TTLL5: variants seen among roughly 807,000 people sequenced by gnomAD.
TTLL5 encodes the protein tubulin polyglutamylase TTLL5.
Under a neutral mutation model 168.4 loss-of-function variants are expected in TTLL5, and 132 were observed. The observed-to-expected ratio is 0.78, with a 90% CI of 0.68 to 0.91. TTLL5 has a LOEUF of 0.91. Ranked by LOEUF, TTLL5 falls within the 40% of genes least tolerant of loss-of-function variation. The probability of loss-of-function intolerance (pLI) is 0.00; values close to 1 mark genes in which losing one functional copy is unlikely to be tolerated. For missense variants in TTLL5, 1,545 were observed against 1,581.5 expected (o/e 0.98, Z 0.39); for synonymous variants, 546 against 558.6 (o/e 0.98, Z 0.32).
chr14:75,706,316 A>C (rs1886657587), intron 7 of TTLL5, among the ~76,000 whole-genome samples: 1 of 152,230 alleles, frequency 6.6e-6, no homozygotes, highest in African/African-American at 2.4e-5. Context: ...TAAACTTTTC[A>C]GGGATAGGGA....
intron 26 of TTLL5, among the ~76,000 whole-genome samples, chr14:75,784,352 G>A (rs1208181245): frequency 6.6e-6 from 1 of 152,130 alleles, no homozygotes; most frequent in African/African-American, 2.4e-5. Context: ...ATCATAATAG[G>A]TGGTCTTTTG....
At chr14:75,728,656 A>T (rs1888340004) in intron 12 of TTLL5, among the ~76,000 whole-genome samples, 3 of 142,886 alleles carry the variant, frequency 2.1e-5, no homozygotes, top group Admixed American at 1.5e-4. Context: ...CACTTGGCTA[A>T]AGATGTGATT....
chr14:75,782,707 CCTTAGAATTTTCT>C, intron 25 of TTLL5, 134 bp downstream of exon 25: 1 of 809,358 alleles, frequency 1.2e-6, no homozygotes, highest in Non-Finnish European at 1.8e-6. Context: ...TTTCCTTTTC[CCTTAGAATTTTCT>C]CTTATCTATT....
chr14:75,721,952 A>G (rs1029886153), intron 12 of TTLL5, among the ~76,000 whole-genome samples: 18 of 152,210 alleles, frequency 1.2e-4, no homozygotes, highest in African/African-American at 3.6e-4. Flanking sequence ...TTTAAAATAC[A>G]TATCTGATCA....
At chr14:75,850,259 A>G (rs1407916473) in intron 28 of TTLL5, among the ~76,000 whole-genome samples, 1 of 151,618 alleles carries the variant, frequency 6.6e-6, no homozygotes, top group Admixed American at 6.6e-5. Flanking sequence ...ATACAAAATT[A>G]TCCGGGCATG....
In TTLL5 at chr14:75,706,879, G is replaced by C. The variant is rs574035186; in HGVS notation, c.586-139G>C. 4 of 604,472 alleles carry C rather than the reference G, an allele frequency of 6.6e-6. No homozygotes were observed. The South Asian group carries it at 8.2e-5, about 12-fold the overall frequency. 37.4% of individuals were successfully genotyped at this position (604,472 alleles called of 1,614,324 possible). On this transcript the variant is annotated intron_variant, in intron 7 of 31. Transcript: ENST00000298832. Reference sequence around the variant, plus strand: ...TATTATATGGCCAACTGAATATATGGGTACCTTGGAGGAAACTTTAACCAG... The same window carrying C: ...TATTATATGGCCAACTGAATATATGCGTACCTTGGAGGAAACTTTAACCAG...
At chr14:75,888,843 G>T (rs2032249508) in intron 30 of TTLL5, among the ~76,000 whole-genome samples, 1 of 151,896 alleles carries the variant, frequency 6.6e-6, no homozygotes, top group Non-Finnish European at 1.5e-5. Context: ...GCGGAGGCTG[G>T]AGAATCGCTT....
At chr14:75,756,962 T>TTTGTTGTTG (rs138625752) in intron 18 of TTLL5, among the ~76,000 whole-genome samples, 218 of 150,616 alleles carry the variant, frequency 1.4e-3, no homozygotes, top group South Asian at 9.5e-3. Context: ...CAATAGAGGT[T>TTTGTTGTTG]TTGTTGTTGT....
chr14:75,690,071 G>T, intron 5 of TTLL5, 121 bp from the exon 6 acceptor site: 1 of 1,052,838 alleles, frequency 9.5e-7, no homozygotes, highest in East Asian at 2.6e-5. Flanking sequence ...ATATGTTTAG[G>T]ATACAATACT....
chr14:75,944,180 C>A (rs1238082853), intron 31 of TTLL5, among the ~76,000 whole-genome samples: 1 of 152,200 alleles, frequency 6.6e-6, no homozygotes. Flanking sequence ...CTGCGGCAGA[C>A]CTGTACAGAT....
intron 27 of TTLL5, among the ~76,000 whole-genome samples, chr14:75,818,374 A>G (rs1025368666): frequency 1.3e-5 from 2 of 151,928 alleles, no homozygotes; most frequent in African/African-American, 4.8e-5. Flanking sequence ...TTGTGTGTGT[A>G]TGTGTTTAAA....
chr14:75,857,381 T>TCAGA (rs148699738), intron 28 of TTLL5, among the ~76,000 whole-genome samples: 1 of 149,776 alleles, frequency 6.7e-6, no homozygotes, highest in African/African-American at 2.5e-5. Context: ...GGTTGGTTGA[T>TCAGA]TAGATAGATA....
chr14:75,677,536 A>G (rs1158696580), intron 3 of TTLL5, among the ~76,000 whole-genome samples: 1 of 151,518 alleles, frequency 6.6e-6, no homozygotes, highest in African/African-American at 2.4e-5. Flanking sequence ...AGCTGGGACT[A>G]CAGGCGCACA....
At chr14:75,904,822 G>A (rs1479709280) in intron 31 of TTLL5, among the ~76,000 whole-genome samples, 12 of 151,988 alleles carry the variant, frequency 7.9e-5, no homozygotes, top group African/African-American at 2.7e-4. Flanking sequence ...TGATTTTTCT[G>A]GTGTTCCTGA....
chr14:75,735,808 T>A (rs1888859520), intron 15 of TTLL5, among the ~76,000 whole-genome samples: 1 of 152,244 alleles, frequency 6.6e-6, no homozygotes, highest in Non-Finnish European at 1.5e-5. Flanking sequence ...TGATCAAGCA[T>A]TGCTTCGGTC....
At chr14:75,861,378 CA>C (rs1352886105) in intron 28 of TTLL5, among the ~76,000 whole-genome samples, 7 of 152,194 alleles carry the variant, frequency 4.6e-5, no homozygotes, top group Non-Finnish European at 4.4e-5. Flanking sequence ...GCACAGGCAA[CA>C]GAGGAGCATG....
chr14:75,690,081 T>C (rs1482437804), intron 5 of TTLL5, 111 bp from the exon 6 acceptor site: 3 of 1,159,436 alleles, frequency 2.6e-6, no homozygotes, highest in Non-Finnish European at 2.5e-6. Flanking sequence ...GATACAATAC[T>C]ATCTTCACTA....
At chr14:75,714,029 C>T (rs1887269178) in intron 9 of TTLL5, among the ~76,000 whole-genome samples, 1 of 151,812 alleles carries the variant, frequency 6.6e-6, no homozygotes, top group African/African-American at 2.4e-5. Flanking sequence ...TCTCCGTAGT[C>T]TCCTTCAGTC....
intron 9 of TTLL5, among the ~76,000 whole-genome samples, chr14:75,708,388 G>A (rs1222628929): frequency 2.0e-5 from 3 of 151,488 alleles, no homozygotes; most frequent in African/African-American, 7.3e-5. Context: ...TTGAGATGGC[G>A]TGATCTCGGC....
Sources: gnomAD v4.1 joint callset for allele counts (sites outside exome capture counted in the v4.1 genomes callset) on GRCh38, gnomAD v4.1.1 for gene constraint, MANE v1.5 for transcripts, NCBI Gene and HGNC (gene_info 2026-07-23, HGNC 2026-07-21) for gene names.